Variants in NHSL1 observed in about 807,000 individuals in gnomAD.
NHSL1 encodes NHS like 1, also known as NHS-like protein 1.
NHSL1 carries 48 observed loss-of-function variants against 95.0 expected under a neutral mutation model. The ratio of observed to expected loss-of-function variants is 0.51; its 90% CI spans 0.40 to 0.64. The LOEUF is 0.64. Among genes scored for constraint, NHSL1 ranks in the 30% least tolerant of loss-of-function variants. The pLI is 0.00. For synonymous variants in NHSL1, 783 were observed against 833.9 expected, an observed-to-expected ratio of 0.94 and a Z score of 1.05; for missense variants, 1,971 against 2,077.7, an observed-to-expected ratio of 0.95 and a Z score of 1.00.
At chr6:138,532,966 G>A (rs1343329873) in intron 1 of NHSL1, among the ~76,000 whole-genome samples, 1 of 152,122 alleles carries the variant, frequency 6.6e-6, no homozygotes, top group Non-Finnish European at 1.5e-5. Context: ...AGAAATAAAG[G>A]GGAAGGAATG....
chr6:138,612,508 C>T (rs533116902), intron 1 of NHSL1, among the ~76,000 whole-genome samples: 1 of 152,124 alleles, frequency 6.6e-6, no homozygotes, highest in African/African-American at 2.4e-5. Context: ...CAGCATAATA[C>T]CATATACAGT....
In NHSL1 at chr6:138,622,647, C is replaced by T. The variant is rs959530088; in HGVS notation, c.96+69829G>A. On this transcript the variant is annotated intron_variant, in intron 1 of 3. Transcript: ENST00000491526. ...ACTACAATTAATCTAATTATGTGTA[C>T]CTGAATTTCAGAAGGGGAAAAAAAA... Among the ~76,000 whole-genome samples, 15 of 152,114 alleles carry T rather than the reference C, an allele frequency of 9.9e-5. No homozygotes were observed. In the South Asian group the frequency reaches 2.5e-3, roughly 25 times the overall value.
At chr6:138,452,121 A>C (rs1018868833) in intron 3 of NHSL1, among the ~76,000 whole-genome samples, 7 of 152,226 alleles carry the variant, frequency 4.6e-5, no homozygotes, top group African/African-American at 1.7e-4. Flanking sequence ...AATGTTCACC[A>C]ATACCCCATA....
At chr6:138,460,756 G>C (rs1777941936) in intron 3 of NHSL1, among the ~76,000 whole-genome samples, 1 of 151,378 alleles carries the variant, frequency 6.6e-6, no homozygotes, top group Non-Finnish European at 1.5e-5. Context: ...AAATGTGTTA[G>C]AGATTTCCTG....
In NHSL1 at chr6:138,636,144, T is replaced by A. The variant is rs73566647; in HGVS notation, c.96+56332A>T. On this transcript the variant is annotated intron_variant, in intron 1 of 3. Transcript: ENST00000491526. Reference sequence around the variant, plus strand: ...TCTCAAAAAAAAAAAAAAAAATACATCAACAGAATGAAGGAAAAAAAACAT... The same window carrying A: ...TCTCAAAAAAAAAAAAAAAAATACAACAACAGAATGAAGGAAAAAAAACAT... Among the ~76,000 whole-genome samples the A allele has an allele frequency of 8.9e-3, 1,300 of 146,618 alleles. 17 individuals carry two copies. Among genetic ancestry groups the A allele is most frequent in the African/African-American group, 0.03 (1,188 of 39,886 alleles).
chr6:138,554,063 T>C (rs1008224089), intron 1 of NHSL1, among the ~76,000 whole-genome samples: 3 of 152,214 alleles, frequency 2.0e-5, no homozygotes, highest in African/African-American at 4.8e-5. Context: ...CCAAATTCCC[T>C]TTCTTAGTAA....
intron 1 of NHSL1, among the ~76,000 whole-genome samples, chr6:138,635,661 G>A (rs1468928073): frequency 6.6e-6 from 1 of 152,110 alleles, no homozygotes; most frequent in African/African-American, 2.4e-5. Flanking sequence ...ATGAGGGATA[G>A]TTCCAAACTC....
At chr6:138,454,871 T>C (rs972513360) in intron 3 of NHSL1, among the ~76,000 whole-genome samples, 1 of 152,266 alleles carries the variant, frequency 6.6e-6, no homozygotes, top group Non-Finnish European at 1.5e-5. Flanking sequence ...GCACAGTCCC[T>C]GGCGCCTGAG....
chr6:138,504,513 C>T (rs1418951405), intron 1 of NHSL1, among the ~76,000 whole-genome samples: 3 of 152,180 alleles, frequency 2.0e-5, no homozygotes, highest in Non-Finnish European at 4.4e-5. Context: ...TTGGGTAAAG[C>T]CCAGACCTGG....
chr6:138,677,804 C>T (rs952044640), intron 1 of NHSL1, among the ~76,000 whole-genome samples: 13 of 152,340 alleles, frequency 8.5e-5, no homozygotes, highest in Admixed American at 4.6e-4. Flanking sequence ...GTCACGTCTG[C>T]TGGGCCCACC....
intron 3 of NHSL1, among the ~76,000 whole-genome samples, chr6:138,452,922 T>C (rs1298766406): frequency 3.9e-5 from 6 of 152,188 alleles, no homozygotes; most frequent in Admixed American, 2.0e-4. Flanking sequence ...AACTCCATGA[T>C]GGCCAACAGG....
upstream of NHSL1, among the ~76,000 whole-genome samples, chr6:138,692,772 G>A (rs1454249057): frequency 6.6e-6 from 1 of 150,820 alleles, no homozygotes; most frequent in Non-Finnish European, 1.5e-5. This position sits in a 1 kb window ranked among gnomAD's most constrained non-coding sequence, Gnocchi z 4.0. Flanking sequence ...CATGGCGGGG[G>A]CGGGCCGGCG....
At chr6:138,545,529 A>G (rs1220929575) in intron 1 of NHSL1, 1 of 932,862 alleles carries the variant, frequency 1.1e-6, no homozygotes, top group Non-Finnish European at 1.5e-6. Context: ...TTTGATTTTT[A>G]CTGGAATCAG....
chr6:138,586,727 G>A (rs1166498283), intron 1 of NHSL1, among the ~76,000 whole-genome samples: 1 of 152,160 alleles, frequency 6.6e-6, no homozygotes, highest in Non-Finnish European at 1.5e-5. Context: ...TGAAAGAGGG[G>A]ATGATCAGTA....
At chr6:138,572,850 G>T (rs756787610), upstream of NHSL1, among the ~76,000 whole-genome samples, 24 of 86,420 alleles carry the variant, frequency 2.8e-4, no homozygotes, top group Non-Finnish European at 7.2e-4. Context: ...TAATACAGTA[G>T]ATAGATAGAT....
rs1204870537 is a variant in NHSL1, at chr6:138,437,319, TACACACACAC to T, written c.665-3649_665-3640del. On this transcript the variant is annotated intron_variant, in intron 5 of 7. Transcript: ENST00000343505. ...ATGTATATATATATATATATATATA[TACACACACAC>T]ATATATATATATACACATATATATA... is the stretch of plus-strand genomic sequence containing the variant. Among the ~76,000 whole-genome samples, 264 of 101,866 alleles carry T rather than the reference TACACACACAC, an allele frequency of 2.6e-3. 4 individuals carry two copies. The highest frequency in any genetic ancestry group is 0.011 in the African/African-American group (253 of 23,938). 66.8% of individuals were successfully genotyped at this position (101,866 alleles called of 152,430 possible).
intron 1 of NHSL1, among the ~76,000 whole-genome samples, chr6:138,657,715 A>T (rs1317088128): frequency 1.3e-5 from 2 of 149,702 alleles, no homozygotes; most frequent in Admixed American, 6.7e-5. Flanking sequence ...CTCGGGAGGC[A>T]GAGGCAGGAG....
At chr6:138,602,736 T>C (rs1260001854) in intron 1 of NHSL1, among the ~76,000 whole-genome samples, 1 of 152,238 alleles carries the variant, frequency 6.6e-6, no homozygotes, top group East Asian at 1.9e-4. Context: ...CCCAACAATA[T>C]GGGGCATTTA....
chr6:138,675,524 A>ATTAT lies in NHSL1; in HGVS notation c.96+16948_96+16951dup, dbSNP rs573613191. 1.3e-3 allele frequency among the ~76,000 whole-genome samples: 196 copies of ATTAT among 151,854 alleles called. 2 individuals carry two copies. Among genetic ancestry groups the ATTAT allele is most frequent in the South Asian group, 7.9e-3 (38 of 4,794 alleles). ...TCATTTTCCCACAGAAAATTCTTACATTATTTATTTATTTATTTATTTATT... is the reference window on the plus strand; with the variant it reads ...TCATTTTCCCACAGAAAATTCTTACATTATTTATTTATTTATTTATTTATTTATT... On this transcript the variant is annotated intron_variant, in intron 1 of 3. Transcript: ENST00000491526.
Sources: gnomAD v4.1 joint callset for allele counts (sites outside exome capture counted in the v4.1 genomes callset) on GRCh38, gnomAD v4.1.1 for gene constraint, Gnocchi (gnomAD v3.1) non-coding constraint, MANE v1.5 for transcripts, NCBI Gene and HGNC (gene_info 2026-07-23, HGNC 2026-07-21) for gene names.